The following RBFOX1 variants were observed in gnomAD, a reference collection of about 807,000 sequenced individuals.
RBFOX1 encodes the protein RNA binding fox-1 homolog 1, also known as RNA binding protein fox-1 homolog 1.
Under a neutral mutation model 57.7 loss-of-function variants are expected in RBFOX1, and 8 were observed. The ratio of observed to expected loss-of-function variants is 0.14; its 90% CI spans 0.08 to 0.25. RBFOX1 has a LOEUF of 0.25. Among genes scored for constraint, RBFOX1 ranks in the 10% least tolerant of loss-of-function variants. RBFOX1 has a pLI of 1.00. For missense variants in RBFOX1, 611 were observed against 548.5 expected (o/e 1.11, Z -1.14); for synonymous variants, 326 against 222.4 (o/e 1.47, Z -4.15).
intron 4 of RBFOX1, among the ~76,000 whole-genome samples, chr16:7,259,877 T>C (rs1161409489): frequency 1.3e-5 from 2 of 152,210 alleles, no homozygotes; most frequent in Admixed American, 1.3e-4. Flanking sequence ...AGGTGCTTAA[T>C]ATATTGTAGG....
chr16:7,296,301 C>A (rs573997016), intron 4 of RBFOX1, among the ~76,000 whole-genome samples: 12 of 78,080 alleles, frequency 1.5e-4, no homozygotes, highest in African/African-American at 5.4e-4. Flanking sequence ...AATGCTGTTT[C>A]TTTTATTAAA....
At chr16:7,365,680 C>T (rs1475387468) in intron 4 of RBFOX1, among the ~76,000 whole-genome samples, 1 of 152,156 alleles carries the variant, frequency 6.6e-6, no homozygotes, top group Admixed American at 6.6e-5. Flanking sequence ...AGTAAAGGTA[C>T]TTTACTTCCC....
intron 3 of RBFOX1, among the ~76,000 whole-genome samples, chr16:6,855,422 C>T (rs534424293): frequency 2.0e-5 from 3 of 152,012 alleles, no homozygotes; most frequent in East Asian, 3.9e-4. Context: ...GAGGGTGAGG[C>T]GGGCGGATCA....
chr16:6,098,947 G>A (rs907422950), intron 1 of RBFOX1, among the ~76,000 whole-genome samples: 4 of 152,154 alleles, frequency 2.6e-5, no homozygotes, highest in East Asian at 1.9e-4. Flanking sequence ...ACTGCACTTC[G>A]TAAGCCACCT....
intron 4 of RBFOX1, among the ~76,000 whole-genome samples, chr16:7,464,229 C>G (rs2060081244): frequency 1.3e-5 from 2 of 152,180 alleles, no homozygotes; most frequent in Admixed American, 1.3e-4. Flanking sequence ...CACCTGTGCA[C>G]CTATGCACAT....
chr16:6,484,969 A>C (rs769081262), intron 2 of RBFOX1, among the ~76,000 whole-genome samples: 1 of 152,224 alleles, frequency 6.6e-6, no homozygotes, highest in Non-Finnish European at 1.5e-5. Flanking sequence ...TTTGGCTTAA[A>C]ATGGGGACAT....
At chr16:6,520,045 C>T (rs563911801) in intron 2 of RBFOX1, among the ~76,000 whole-genome samples, 6 of 152,220 alleles carry the variant, frequency 3.9e-5, no homozygotes, top group South Asian at 4.2e-4. Flanking sequence ...ATGTTTCCAC[C>T]GTGCAGGTGC....
At chr16:5,455,112 A>G (rs964380795) in intron 1 of RBFOX1, among the ~76,000 whole-genome samples, 1 of 149,096 alleles carries the variant, frequency 6.7e-6, no homozygotes, top group African/African-American at 2.5e-5. Flanking sequence ...CTTTCTCTCT[A>G]AAGTACCTTG....
intron 14 of RBFOX1, among the ~76,000 whole-genome samples, chr16:7,686,332 C>T (rs902156348): frequency 2.6e-5 from 4 of 152,000 alleles, no homozygotes; most frequent in African/African-American, 9.7e-5. Context: ...AAATTGGGAA[C>T]CGCAAGATCA....
intron 4 of RBFOX1, among the ~76,000 whole-genome samples, chr16:7,359,611 T>A (rs938397841): frequency 3.9e-5 from 6 of 152,202 alleles, no homozygotes; most frequent in Non-Finnish European, 4.4e-5. Flanking sequence ...CACTGTTTGC[T>A]TCCCCTGTCC....
intron 3 of RBFOX1, among the ~76,000 whole-genome samples, chr16:6,808,575 C>T (rs968434972): frequency 6.6e-6 from 1 of 151,980 alleles, no homozygotes; most frequent in Non-Finnish European, 1.5e-5. Context: ...GGAATAACTG[C>T]CAAATTTATC....
Position 5,750,847 on chromosome 16 carries a change from C to T in RBFOX1, c.319-116456C>T, listed in dbSNP as rs149908729. On this transcript the variant is annotated intron_variant, in intron 3 of 19. Transcript: ENST00000641259. The stretch of plus-strand genomic sequence containing the variant: ...CGATGCCTCGCCCTGCTTCGGCTCA[C>T]GCATGGTGGGCTGCATCCACTGTCC... Among the ~76,000 whole-genome samples, 139 of 152,334 alleles carry T rather than the reference C, an allele frequency of 9.1e-4. 1 individual carries two copies. In the East Asian group the frequency reaches 0.014, roughly 15 times the overall value.
chr16:7,467,771 C>G (rs927309394), intron 4 of RBFOX1, among the ~76,000 whole-genome samples: 3 of 152,230 alleles, frequency 2.0e-5, no homozygotes, highest in African/African-American at 7.2e-5. Context: ...CCCACTTCCA[C>G]TTCATCTCTT....
chr16:6,478,293 G>A (rs2095305977), intron 2 of RBFOX1, among the ~76,000 whole-genome samples: 1 of 139,630 alleles, frequency 7.2e-6, no homozygotes, highest in African/African-American at 2.7e-5. Flanking sequence ...CGTGATCTCA[G>A]CTTACTGCAA....
intron 3 of RBFOX1, among the ~76,000 whole-genome samples, chr16:5,702,335 G>A (rs759159306): frequency 2.1e-4 from 32 of 152,092 alleles, no homozygotes; most frequent in Non-Finnish European, 4.3e-4. Flanking sequence ...ATCAGATCTC[G>A]TGAGAACTCA....
At chr16:7,671,692 A>G (rs2071494354) in intron 13 of RBFOX1, 1 of 1,178,162 alleles carries the variant, frequency 8.5e-7, no homozygotes. Context: ...GGAGGGGAAC[A>G]GTTCTCTAAC....
chr16:7,222,644 G>A (rs2092814417), intron 4 of RBFOX1, among the ~76,000 whole-genome samples: 1 of 152,162 alleles, frequency 6.6e-6, no homozygotes, highest in Non-Finnish European at 1.5e-5. Flanking sequence ...TTACAAGTTT[G>A]TTAGCCCCCT....
At chr16:7,199,427 A>C (rs931080138) in intron 4 of RBFOX1, among the ~76,000 whole-genome samples, 1 of 152,204 alleles carries the variant, frequency 6.6e-6, no homozygotes, top group African/African-American at 2.4e-5. Context: ...ATGCACTTCA[A>C]AATGTCTTTG....
intron 1 of RBFOX1, among the ~76,000 whole-genome samples, chr16:5,452,105 T>TCC (rs373539885): frequency 0.038 from 5,383 of 141,712 alleles, 235 homozygotes; most frequent in African/African-American, 0.11. Context: ...GATTTATCTC[T>TCC]CTCTCTCTCT....
Sources: gnomAD v4.1 joint callset for allele counts (sites outside exome capture counted in the v4.1 genomes callset) on GRCh38, gnomAD v4.1.1 for gene constraint, MANE v1.5 for transcripts, NCBI Gene and HGNC (gene_info 2026-07-23, HGNC 2026-07-21) for gene names.